The following STARD13 variants were observed in gnomAD, a reference collection of about 807,000 sequenced individuals.
The protein encoded by STARD13 is stAR-related lipid transfer protein 13.
Under a neutral mutation model 106.4 loss-of-function variants are expected in STARD13, and 62 were observed. That is an observed-to-expected ratio of 0.58 (90% CI 0.48 to 0.72). The LOEUF (loss-of-function observed/expected upper bound fraction) is 0.72, where lower values mean the gene tolerates loss of function less well. Among genes scored for constraint, STARD13 ranks in the 30% least tolerant of loss-of-function variants. STARD13 has a pLI of 0.00. For missense variants in STARD13, 1,387 were observed against 1,424.0 expected (o/e 0.97, Z 0.42); for synonymous variants, 565 against 553.0 (o/e 1.02, Z -0.31).
intron 6 of STARD13, among the ~76,000 whole-genome samples, chr13:33,127,159 C>G (rs1281664880): frequency 3.3e-5 from 5 of 152,214 alleles, no homozygotes; most frequent in Non-Finnish European, 5.9e-5. Context: ...ACTGCCTTCC[C>G]TGGAAACCAA....
At position 33,104,144 on chromosome 13, in the gene STARD13, T is replaced by C. The variant is rs1873411046; in HGVS notation, c.*1449A>G. On this transcript the variant is annotated 3_prime_UTR_variant, in exon 14 of 14. Transcript: ENST00000336934. ...CACCAGTTGCTAAATCTTATCAATC[T>C]CTATTATGGATGACCAAAGAAAATC... The C allele has an allele frequency of 6.6e-6, 1 of 152,212 alleles. No individual in the cohort carries two copies. Among genetic ancestry groups the C allele is most frequent in the Non-Finnish European group, 1.5e-5 (1 of 68,046 alleles). 9.4% of individuals were successfully genotyped at this position (152,212 alleles called of 1,614,324 possible).
chr13:33,144,763 T>C (rs1014463985), intron 3 of STARD13, among the ~76,000 whole-genome samples: 1 of 152,224 alleles, frequency 6.6e-6, no homozygotes, highest in Admixed American at 6.5e-5. Flanking sequence ...TTGGTGGCTC[T>C]GTAACAGGTT....
chr13:33,427,838 C>T, the STARD13 span, among the ~76,000 whole-genome samples: 1 of 151,858 alleles, frequency 6.6e-6, no homozygotes, highest in African/African-American at 2.4e-5. Flanking sequence ...GCCTGTAATC[C>T]TAGCTACTCG....
chr13:33,347,764 C>T (rs1338666651), downstream of STARD13, among the ~76,000 whole-genome samples: 1 of 152,140 alleles, frequency 6.6e-6, no homozygotes, highest in East Asian at 1.9e-4. Flanking sequence ...AATGAAATCA[C>T]CTAACAATGC....
chr13:33,549,730 A>G, the STARD13 span, among the ~76,000 whole-genome samples: 1 of 152,202 alleles, frequency 6.6e-6, no homozygotes, highest in East Asian at 1.9e-4. Flanking sequence ...TGTTTCTTCC[A>G]TCTTACTGCC....
At chr13:33,168,324 G>T (rs1045724222) in intron 1 of STARD13, among the ~76,000 whole-genome samples, 6 of 152,110 alleles carry the variant, frequency 3.9e-5, no homozygotes, top group African/African-American at 1.4e-4. Context: ...TGAGGGCCAA[G>T]CCCAAGAGGT....
the STARD13 span, among the ~76,000 whole-genome samples, chr13:33,373,299 A>G: frequency 9.2e-5 from 14 of 152,302 alleles, no homozygotes; most frequent in African/African-American, 3.4e-4. Flanking sequence ...CCCCGATCTC[A>G]TTGGATTTGA....
chr13:33,211,486 C>A (rs1887713460), intron 1 of STARD13, among the ~76,000 whole-genome samples: 1 of 151,992 alleles, frequency 6.6e-6, no homozygotes. Flanking sequence ...ATATCAGACA[C>A]CAAGGGGGAT....
At chr13:33,332,709 G>C (rs1014849645) in intron 1 of STARD13, among the ~76,000 whole-genome samples, 4 of 151,948 alleles carry the variant, frequency 2.6e-5, no homozygotes, top group Non-Finnish European at 4.4e-5. Flanking sequence ...ATCCCAAATA[G>C]CACCCCCTTT....
chr13:33,142,461 T>A (rs1385235266), intron 3 of STARD13, 88 bp from the exon 4 acceptor site: 1 of 1,221,466 alleles, frequency 8.2e-7, no homozygotes. Flanking sequence ...TCCAGTAAAG[T>A]TGAAACTGCA....
chr13:33,109,287 A>G (rs1874181067), intron 12 of STARD13, among the ~76,000 whole-genome samples: 1 of 152,150 alleles, frequency 6.6e-6, no homozygotes, highest in African/African-American at 2.4e-5. Flanking sequence ...TCCCCTTCCA[A>G]ACCCCAAGAA....
the STARD13 span, among the ~76,000 whole-genome samples, chr13:33,500,649 A>G: frequency 1.3e-5 from 2 of 152,162 alleles, no homozygotes; most frequent in African/African-American, 4.8e-5. Flanking sequence ...GCTTGATGAA[A>G]TCCTTTCTGC....
rs573540267 is a variant in STARD13, at chr13:33,241,563, C to CT, written c.169+43906_169+43907insA. ...CCTCCCCCTCCCCCTCCCCCTCTCCCCTTTGCACGGTCTCCCTCTGATGCC... is the reference window on the plus strand; with the variant it reads ...CCTCCCCCTCCCCCTCCCCCTCTCCCTCTTTGCACGGTCTCCCTCTGATGCC... On this transcript the variant is annotated intron_variant, in intron 1 of 13. Transcript: ENST00000336934. 1.4e-3 allele frequency among the ~76,000 whole-genome samples: 204 copies of CT among 150,968 alleles called. 4 individuals are homozygous for CT. The South Asian group carries it at 0.035, about 26-fold the overall frequency.
the STARD13 span, among the ~76,000 whole-genome samples, chr13:33,614,761 C>A: frequency 6.6e-6 from 1 of 152,076 alleles, no homozygotes; most frequent in Non-Finnish European, 1.5e-5. Context: ...AACAGCAAGG[C>A]CAGCAAGCAT....
intron 3 of STARD13, among the ~76,000 whole-genome samples, chr13:33,160,663 G>T (rs1379837106): frequency 6.6e-6 from 1 of 152,082 alleles, no homozygotes; most frequent in Non-Finnish European, 1.5e-5. Context: ...ACGTATGGAT[G>T]GTAAATAAGC....
chr13:33,247,262 C>T (rs1433363523), intron 1 of STARD13, among the ~76,000 whole-genome samples: 1 of 151,332 alleles, frequency 6.6e-6, no homozygotes, highest in East Asian at 1.9e-4. Context: ...GAAAAAAGTC[C>T]AGAAGAGAAA....
At chr13:33,369,465 C>CA in the STARD13 span, among the ~76,000 whole-genome samples, 1 of 152,116 alleles carries the variant, frequency 6.6e-6, no homozygotes, top group African/African-American at 2.4e-5. Flanking sequence ...ATGCCCACTT[C>CA]AAAAAAGCTT....
the STARD13 span, among the ~76,000 whole-genome samples, chr13:33,633,656 A>C: frequency 6.6e-6 from 1 of 152,212 alleles, no homozygotes; most frequent in Non-Finnish European, 1.5e-5. Flanking sequence ...TAAAAAGTAA[A>C]AGGCAGATGT....
intron 1 of STARD13, among the ~76,000 whole-genome samples, chr13:33,261,877 A>G (rs1890655859): frequency 6.6e-6 from 1 of 152,214 alleles, no homozygotes; most frequent in Non-Finnish European, 1.5e-5. Context: ...CACTGTATGC[A>G]CGGGTTGCTT....
Sources: gnomAD v4.1 joint callset for allele counts (sites outside exome capture counted in the v4.1 genomes callset) on GRCh38, gnomAD v4.1.1 for gene constraint, MANE v1.5 for transcripts, NCBI Gene and HGNC (gene_info 2026-07-23, HGNC 2026-07-21) for gene names.